The following INTS12 variants were observed in gnomAD, a reference collection of about 807,000 sequenced individuals.
INTS12 encodes PHD finger protein 22.
INTS12 carries 13 observed loss-of-function variants against 41.6 expected under a neutral mutation model. The observed-to-expected ratio is 0.31, with a 90% CI of 0.20 to 0.50. INTS12 has a LOEUF of 0.50. Among genes scored for constraint, INTS12 ranks in the 20% least tolerant of loss-of-function variants. The pLI is 0.98. For missense variants in INTS12, 432 were observed against 541.6 expected (o/e 0.80, Z 2.01); for synonymous variants, 199 against 191.4 (o/e 1.04, Z -0.33).
rs185357983 is a variant in INTS12 at position 105,703,518 on chromosome 4, A to T, written c.-10+130T>A. 3 of 152,266 alleles carry T rather than the reference A, an allele frequency of 2.0e-5. No homozygotes were observed. The East Asian group carries it at 5.8e-4, about 29-fold the overall frequency. 9.4% of individuals were successfully genotyped at this position (152,266 alleles called of 1,614,324 possible). A position where few individuals can be genotyped will look rare whatever the true frequency, so the allele number is the denominator to read the frequency against. ...CTCACATTCTGTGGTCCACCCTTTC[A>T]ATACCTCTTTCAGTACTCTAGGCAC... On this transcript the variant is annotated intron_variant, in intron 2 of 7. Coordinates refer to ENST00000340139, the MANE Select transcript of INTS12 (RefSeq NM_020395.4).
At chr4:105,698,156 C>T (rs74464047) in intron 3 of INTS12, among the ~76,000 whole-genome samples, 10,137 of 152,272 alleles carry the variant, frequency 0.067, 346 homozygotes, top group Middle Eastern at 0.11. Flanking sequence ...AAAAGTTGTT[C>T]TAGTTGTTGA....
At chr4:105,687,280 C>A (rs984301485) in intron 6 of INTS12, among the ~76,000 whole-genome samples, 6 of 151,992 alleles carry the variant, frequency 3.9e-5, no homozygotes, top group Non-Finnish European at 1.5e-5. Flanking sequence ...CAGCTCAGAT[C>A]ATTTATATGG....
chr4:105,702,511 T>C (rs1732122142), intron 2 of INTS12, among the ~76,000 whole-genome samples: 1 of 152,326 alleles, frequency 6.6e-6, no homozygotes, highest in Non-Finnish European at 1.5e-5. Flanking sequence ...ATATAATTGA[T>C]CTTTAACCTC....
chr4:105,685,455 T>C (rs549701581), intron 7 of INTS12, among the ~76,000 whole-genome samples: 2 of 152,170 alleles, frequency 1.3e-5, no homozygotes, highest in Admixed American at 6.5e-5. Context: ...AAATCAATAA[T>C]GGATATGCCT....
At chr4:105,695,781 A>G (rs994555708) in intron 3 of INTS12, 113 bp from the exon 4 acceptor site, 1 of 800,570 alleles carries the variant, frequency 1.2e-6, no homozygotes, top group Admixed American at 2.5e-5. Flanking sequence ...ATTATAACCA[A>G]TGTAATATTC....
intron 2 of INTS12, among the ~76,000 whole-genome samples, chr4:105,702,130 C>CTTTTTTTTTTTTTTTT: frequency 9.1e-6 from 1 of 109,508 alleles, no homozygotes. Context: ...ATTTCTATTT[C>CTTTTTTTTTTTTTTTT]TTTTTTTTTT....
chr4:105,686,015 G>A (rs1344010259), intron 7 of INTS12, among the ~76,000 whole-genome samples: 1 of 152,156 alleles, frequency 6.6e-6, no homozygotes, highest in South Asian at 2.1e-4. Flanking sequence ...AGTGTGGGGA[G>A]CAAAATTGTT....
Position 105,682,656 on chromosome 4 carries a change from A to G in INTS12, c.*77T>C. The G allele has an allele frequency of 1.0e-6, 1 of 996,408 alleles. No homozygotes were observed. Among genetic ancestry groups the G allele is most frequent in the Non-Finnish European group, 1.5e-6 (1 of 667,282 alleles). 61.7% of individuals were successfully genotyped at this position (996,408 alleles called of 1,614,324 possible). On this transcript the variant is annotated 3_prime_UTR_variant, in exon 8 of 8. Transcript: ENST00000340139. The stretch of plus-strand genomic sequence containing the variant: ...ATTATGAAGACTTTTATTAAATTAC[A>G]GTGTATTACAGATTATATCATAATA...
chr4:105,683,168 A>G lies in INTS12; in HGVS notation c.954T>C (p.Thr318=). The G allele has an allele frequency of 1.1e-5, 18 of 1,614,128 alleles. No individual in the cohort carries two copies. Among genetic ancestry groups the G allele is most frequent in the Non-Finnish European group, 1.5e-5 (18 of 1,179,960 alleles). ...TAGCTGACGAAGTAGCAGGTTTCCC[A>G]GTATTGTTTTGTGTTGTTGAACTCA... ...AKLSSTTQNN[T]GKPATSSANQ... The change falls in exon 8 of 8, where the codon ACT becomes ACC. Residue 318 remains threonine, a synonymous_variant. Transcript: ENST00000340139.
intron 3 of INTS12, among the ~76,000 whole-genome samples, chr4:105,695,952 C>A (rs1326426613): frequency 1.3e-5 from 2 of 152,118 alleles, no homozygotes; most frequent in Non-Finnish European, 2.9e-5. Flanking sequence ...CTCCTGGGTT[C>A]AAGTGATTCT....
At chr4:105,687,424 A>C (rs889453739) in intron 6 of INTS12, among the ~76,000 whole-genome samples, 2 of 152,212 alleles carry the variant, frequency 1.3e-5, no homozygotes, top group Non-Finnish European at 2.9e-5. Context: ...GTTATGAAAG[A>C]ATTTTCACCC....
rs1732271631 is a variant in INTS12, at chr4:105,706,584, G to A, written c.-172+2054C>T. On this transcript the variant is annotated intron_variant, in intron 1 of 7. Transcript: ENST00000340139. ...ATGTTTCCAAATGCTTAGTGTATGT[G>A]TCTATGTGATTCCTTAATGGCATCT... Among the ~76,000 whole-genome samples the A allele has an allele frequency of 2.0e-5, 3 of 152,236 alleles. No individual in the cohort carries two copies. The South Asian group carries it at 6.2e-4, about 32-fold the overall frequency.
At position 105,694,488 on chromosome 4, in the gene INTS12, G is replaced by A. The variant is rs557266506; in HGVS notation, c.310-1002C>T. ...CTACAGGTGTGCGCCACCACACCTG[G>A]CTAATTTTTGTATTTTTAGTAGAGA... On this transcript the variant is annotated intron_variant, in intron 4 of 7. Transcript: ENST00000340139. Among the ~76,000 whole-genome samples the A allele has an allele frequency of 8.5e-5, 13 of 152,188 alleles. No homozygotes were observed. The South Asian group carries it at 1.9e-3, about 22-fold the overall frequency.
rs770214214 is a variant in INTS12, at chr4:105,695,678, GAAAAAAGGTACCAGTA to G, written c.157-26_157-11del. ...TGGGTGGCTCCACATCCTAAAAGAT[GAAAAAAGGTACCAGTA>G]ATTAAATATTTAGACTGATCATCAT... is the stretch of plus-strand genomic sequence containing the variant. On this transcript the variant is annotated splice_polypyrimidine_tract_variant and intron_variant, in intron 3 of 7. Transcript: ENST00000340139. 14 of 1,596,576 alleles carry G rather than the reference GAAAAAAGGTACCAGTA, an allele frequency of 8.8e-6. No individual in the cohort carries two copies. The highest frequency in any genetic ancestry group is 1.2e-5 in the Non-Finnish European group (14 of 1,173,728).
chr4:105,685,556 T>C (rs951955873), intron 7 of INTS12, among the ~76,000 whole-genome samples: 1 of 152,186 alleles, frequency 6.6e-6, no homozygotes, highest in African/African-American at 2.4e-5. Context: ...CGTATTCATA[T>C]TCTTTTTCAT....
chr4:105,694,228 C>A (rs1307291607), intron 4 of INTS12, among the ~76,000 whole-genome samples: 1 of 152,080 alleles, frequency 6.6e-6, no homozygotes, highest in Non-Finnish European at 1.5e-5. Flanking sequence ...TAAAAGAAAT[C>A]TAGATCTACA....
Position 105,682,853 on chromosome 4 carries a change from T to G in INTS12, c.1269A>C (p.Glu423Asp), listed in dbSNP as rs1731362067. 6.2e-7 allele frequency: 1 copy of G among 1,613,984 alleles called. No individual in the cohort carries two copies. Among genetic ancestry groups the G allele is most frequent in the Non-Finnish European group, 8.5e-7 (1 of 1,179,966 alleles). Reference protein sequence around the residue: ...SGSTTSKTTSESSSSPSASLK... With the variant: ...SGSTTSKTTSDSSSSPSASLK... ...GGGATGCTGAGGGAGAGCTGCTGGA[T>G]TCTGAAGTAGTTTTGCTGGTAGTAC... Residue 423 changes from glutamate (E) to aspartate (D), a missense_variant, in exon 8 of 8, where the codon GAA becomes GAC. Glu to Asp is a conservative substitution (Grantham distance 45). Coordinates refer to ENST00000340139, the MANE Select transcript of INTS12 (RefSeq NM_020395.4).
At chr4:105,694,350 GA>G (rs1731787702) in intron 4 of INTS12, among the ~76,000 whole-genome samples, 1 of 152,072 alleles carries the variant, frequency 6.6e-6, no homozygotes, top group Non-Finnish European at 1.5e-5. Flanking sequence ...TTTTAAGACA[GA>G]GTCTTGCAGT....
At chr4:105,700,061 T>C (rs1560780767) in intron 2 of INTS12, 47 bp from the exon 3 acceptor site, 1 of 1,291,840 alleles carries the variant, frequency 7.7e-7, no homozygotes, top group Non-Finnish European at 1.0e-6. Context: ...TGCACAATTA[T>C]CTATGTTAAA....
Sources: gnomAD v4.1 joint callset for allele counts (sites outside exome capture counted in the v4.1 genomes callset) on GRCh38, gnomAD v4.1.1 for gene constraint, MANE v1.5 for transcripts, NCBI Gene and HGNC (gene_info 2026-07-23, HGNC 2026-07-21) for gene names.